SUPT3H: variants seen among roughly 807,000 people sequenced by gnomAD.
SUPT3H encodes the protein transcription initiation protein SPT3 homolog.
In SUPT3H, 44 loss-of-function variants were observed where a neutral mutation model predicts 44.3. The observed-to-expected ratio is 0.99, with a 90% CI of 0.78 to 1.28. SUPT3H has a LOEUF of 1.28. Among genes scored for constraint, SUPT3H ranks in the 50% most tolerant of loss-of-function variants. The probability of loss-of-function intolerance (pLI) is 0.00; values close to 1 mark genes in which losing one functional copy is unlikely to be tolerated. For synonymous variants in SUPT3H, 124 were observed against 125.6 expected (o/e 0.99, Z 0.09); for missense variants, 380 against 387.1 (o/e 0.98, Z 0.15).
At chr6:45,072,044 G>A (rs1794459340) in intron 3 of SUPT3H, among the ~76,000 whole-genome samples, 1 of 152,042 alleles carries the variant, frequency 6.6e-6, no homozygotes, top group African/African-American at 2.4e-5. Flanking sequence ...TTCCTACTAC[G>A]TCCAGTCAAG....
chr6:45,362,935 TAATTTA>T (rs1426259021), intron 2 of SUPT3H, among the ~76,000 whole-genome samples: 1 of 152,124 alleles, frequency 6.6e-6, no homozygotes, highest in Non-Finnish European at 1.5e-5. Flanking sequence ...CTACAGCTTT[TAATTTA>T]ATTTTTAATT....
At chr6:45,090,837 T>C (rs1436738516) in intron 3 of SUPT3H, among the ~76,000 whole-genome samples, 1 of 151,884 alleles carries the variant, frequency 6.6e-6, no homozygotes, top group African/African-American at 2.4e-5. Context: ...ACCATAAACA[T>C]TTTATTAGGA....
At chr6:45,327,895 C>T (rs543513790) in intron 2 of SUPT3H, among the ~76,000 whole-genome samples, 2 of 152,032 alleles carry the variant, frequency 1.3e-5, no homozygotes, top group African/African-American at 4.8e-5. Flanking sequence ...TTCAGAATTT[C>T]ACACAGACTC....
At chr6:44,914,268 T>C (rs1318032325) in intron 10 of SUPT3H, among the ~76,000 whole-genome samples, 1 of 152,208 alleles carries the variant, frequency 6.6e-6, no homozygotes, top group Non-Finnish European at 1.5e-5. Flanking sequence ...AGGCTTAAAA[T>C]TGACAGCAAA....
At chr6:45,134,364 TA>T (rs1803951644) in intron 2 of SUPT3H, among the ~76,000 whole-genome samples, 2 of 152,208 alleles carry the variant, frequency 1.3e-5, no homozygotes, top group East Asian at 3.9e-4. Flanking sequence ...AAGAAGTCTC[TA>T]ACACATGAAC....
intron 2 of SUPT3H, among the ~76,000 whole-genome samples, chr6:45,263,788 CA>C (rs1211041826): frequency 3.3e-5 from 5 of 152,118 alleles, no homozygotes; most frequent in Admixed American, 2.6e-4. Flanking sequence ...TCTCACCCCC[CA>C]AAAATGTGCT....
intron 3 of SUPT3H, among the ~76,000 whole-genome samples, chr6:45,039,744 C>A (rs1349404224): frequency 1.3e-5 from 2 of 151,646 alleles, no homozygotes; most frequent in African/African-American, 4.9e-5. Flanking sequence ...GAGATTGCAC[C>A]ACTGCACTCC....
At chr6:44,959,925 C>T (rs1036004014) in intron 7 of SUPT3H, among the ~76,000 whole-genome samples, 2 of 152,102 alleles carry the variant, frequency 1.3e-5, no homozygotes, top group Non-Finnish European at 2.9e-5. Flanking sequence ...TGCTGACCCA[C>T]GTGGATTAAA....
intron 6 of SUPT3H, among the ~76,000 whole-genome samples, chr6:44,993,363 G>C (rs1381612053): frequency 6.6e-6 from 1 of 151,890 alleles, no homozygotes; most frequent in African/African-American, 2.4e-5. Context: ...CAGAAAAATA[G>C]GGATCTAGGT....
chr6:45,269,724 G>C (rs1488793229), intron 2 of SUPT3H, among the ~76,000 whole-genome samples: 1 of 152,126 alleles, frequency 6.6e-6, no homozygotes, highest in African/African-American at 2.4e-5. Flanking sequence ...CCTCCCATAT[G>C]AGACAGATGT....
intron 2 of SUPT3H, among the ~76,000 whole-genome samples, chr6:45,308,824 T>A (rs1783518234): frequency 6.6e-6 from 1 of 151,702 alleles, no homozygotes; most frequent in African/African-American, 2.4e-5. Context: ...ACAATTTGGT[T>A]TGTTATGCAA....
intron 3 of SUPT3H, among the ~76,000 whole-genome samples, chr6:45,033,233 A>G (rs1299241308): frequency 6.6e-6 from 1 of 152,174 alleles, no homozygotes; most frequent in Non-Finnish European, 1.5e-5. Flanking sequence ...TAGGGCAGTA[A>G]TATCACAAAA....
At chr6:45,276,234 A>T (rs1313510459) in intron 2 of SUPT3H, among the ~76,000 whole-genome samples, 2 of 152,188 alleles carry the variant, frequency 1.3e-5, no homozygotes, top group Admixed American at 1.3e-4. Flanking sequence ...GCAGACATAT[A>T]AATAGAATAA....
chr6:45,106,082 A>T (rs757587131), intron 2 of SUPT3H, 76 bp from the exon 3 acceptor site: 1 of 1,189,498 alleles, frequency 8.4e-7, no homozygotes, highest in Non-Finnish European at 1.2e-6. Flanking sequence ...CATTTATTAC[A>T]TGAATCAGTT....
At chr6:45,142,857 A>G (rs1384283467) in intron 2 of SUPT3H, among the ~76,000 whole-genome samples, 1 of 151,450 alleles carries the variant, frequency 6.6e-6, no homozygotes, top group Non-Finnish European at 1.5e-5. Flanking sequence ...AAGGTAAAGG[A>G]GTGGAAAGAT....
chr6:45,193,724 A>G (rs1815527842), intron 2 of SUPT3H, among the ~76,000 whole-genome samples: 1 of 152,114 alleles, frequency 6.6e-6, no homozygotes, highest in African/African-American at 2.4e-5. Flanking sequence ...CTCAAATAAT[A>G]AAAATAAAAA....
chr6:45,112,582 A>G (rs1476306831), intron 2 of SUPT3H, among the ~76,000 whole-genome samples: 1 of 152,114 alleles, frequency 6.6e-6, no homozygotes. Context: ...GAGGGGAAGG[A>G]CTGATTAAGT....
chr6:44,841,227 G>C (rs1328763361), intron 10 of SUPT3H, among the ~76,000 whole-genome samples: 2 of 152,082 alleles, frequency 1.3e-5, no homozygotes, highest in Admixed American at 6.6e-5. Context: ...GTTGTTATAT[G>C]AATTAATAAG....
At chr6:45,353,533 G>C (rs530495290) in intron 2 of SUPT3H, among the ~76,000 whole-genome samples, 151 of 152,008 alleles carry the variant, frequency 9.9e-4, no homozygotes, top group Non-Finnish European at 1.6e-3. Context: ...AGAAATAAAG[G>C]CTTATATAAT....
Sources: allele counts gnomAD v4.1 joint callset (sites outside exome capture counted in the v4.1 genomes callset), GRCh38; gene constraint gnomAD v4.1.1; transcripts MANE v1.5; gene names NCBI Gene and HGNC (gene_info 2026-07-23, HGNC 2026-07-21).